The following TMEFF2 variants were observed in gnomAD, a reference collection of about 807,000 sequenced individuals.
TMEFF2 encodes the protein tomoregulin-2.
TMEFF2 carries 28 observed loss-of-function variants against 53.8 expected under a neutral mutation model. That is an observed-to-expected ratio of 0.52 (90% CI 0.39 to 0.71). TMEFF2 has a LOEUF of 0.71. TMEFF2 is among the 30% of genes least tolerant of loss of function. The pLI, the probability that TMEFF2 is intolerant of heterozygous loss-of-function variation, is 0.00. For synonymous variants in TMEFF2, 162 were observed against 166.3 expected, an observed-to-expected ratio of 0.97 and a Z score of 0.20; for missense variants, 353 against 455.2, an observed-to-expected ratio of 0.78 and a Z score of 2.04.
At chr2:191,984,409 G>GAGAACA (rs1277527009) in intron 7 of TMEFF2, among the ~76,000 whole-genome samples, 1 of 152,096 alleles carries the variant, frequency 6.6e-6, no homozygotes, top group African/African-American at 2.4e-5. Context: ...TATCCAGAGA[G>GAGAACA]AGAACAAGAG....
At chr2:192,133,283 C>G (rs1433593520) in intron 4 of TMEFF2, among the ~76,000 whole-genome samples, 1 of 152,116 alleles carries the variant, frequency 6.6e-6, no homozygotes. Context: ...GCGTCCTCCT[C>G]TTGTATCCCC....
chr2:192,147,343 T>A (rs1027510748), intron 4 of TMEFF2, among the ~76,000 whole-genome samples: 6 of 152,016 alleles, frequency 3.9e-5, no homozygotes, highest in Admixed American at 6.6e-5. Context: ...CTCTTTTTTT[T>A]ATTATACTTT....
intron 7 of TMEFF2, among the ~76,000 whole-genome samples, chr2:191,968,114 GACA>G (rs1480454933): frequency 6.6e-6 from 1 of 152,126 alleles, no homozygotes; most frequent in African/African-American, 2.4e-5. Flanking sequence ...TAACAGAATT[GACA>G]ACAAGAACAC....
At chr2:192,069,970 G>GTC in intron 4 of TMEFF2, among the ~76,000 whole-genome samples, 2 of 9,630 alleles carry the variant, frequency 2.1e-4, no homozygotes, top group Non-Finnish European at 2.0e-4. Flanking sequence ...AAAAATGTGT[G>GTC]TGTGTGTGTG....
chr2:192,060,303 G>A (rs1317563482), intron 4 of TMEFF2, among the ~76,000 whole-genome samples: 1 of 152,130 alleles, frequency 6.6e-6, no homozygotes, highest in Non-Finnish European at 1.5e-5. Context: ...TTAGGTGCGA[G>A]GTATGGTCTC....
intron 4 of TMEFF2, among the ~76,000 whole-genome samples, chr2:192,145,575 A>T (rs938867978): frequency 4.6e-5 from 7 of 151,986 alleles, no homozygotes; most frequent in Non-Finnish European, 7.4e-5. Context: ...CAAAGCATTC[A>T]TCTTAAATAA....
intron 5 of TMEFF2, among the ~76,000 whole-genome samples, chr2:192,011,682 C>A (rs1364529517): frequency 6.6e-6 from 1 of 152,026 alleles, no homozygotes; most frequent in Non-Finnish European, 1.5e-5. Flanking sequence ...TATTGACAAA[C>A]ATTAGACTTA....
At position 191,953,771 on chromosome 2, in the gene TMEFF2, G is replaced by A. The variant is rs776059674; in HGVS notation, c.936C>T (p.Pro312=). The change falls in exon 9 of 10, where the codon CCC becomes CCT. Residue 312 remains proline (P), a synonymous_variant. Coordinates refer to ENST00000272771, the MANE Select transcript of TMEFF2 (RefSeq NM_016192.4). ...KKDYSVLYVV[P]GPVRFQYVLI... is the part of the protein sequence containing the mutation. ...AGACATACTGAAATCGTACAGGACC[G>A]GGAACAACGTATAGAACACTGTAGT... The A allele has an allele frequency of 1.2e-5, 20 of 1,613,828 alleles. No individual in the cohort carries two copies. Among genetic ancestry groups the A allele is most frequent in the African/African-American group, 9.3e-5 (7 of 74,882 alleles).
At chr2:191,973,259 G>C (rs1692700545) in intron 7 of TMEFF2, among the ~76,000 whole-genome samples, 1 of 151,730 alleles carries the variant, frequency 6.6e-6, no homozygotes. Flanking sequence ...ATATAACGTA[G>C]GTTTTCTACT....
chr2:192,132,573 G>A (rs948885066), intron 4 of TMEFF2, among the ~76,000 whole-genome samples: 1 of 151,736 alleles, frequency 6.6e-6, no homozygotes, highest in Non-Finnish European at 1.5e-5. Context: ...AAAAAAAAAA[G>A]TTGCAATTCC....
intron 7 of TMEFF2, among the ~76,000 whole-genome samples, chr2:191,983,566 T>C (rs927190054): frequency 6.6e-6 from 1 of 152,128 alleles, no homozygotes; most frequent in Non-Finnish European, 1.5e-5. Flanking sequence ...ATATATAAGA[T>C]GACAGTGCCT....
chr2:192,192,980 C>A (rs1261155110), intron 1 of TMEFF2, among the ~76,000 whole-genome samples: 1 of 152,110 alleles, frequency 6.6e-6, no homozygotes, highest in African/African-American at 2.4e-5. Context: ...TCTATTGACC[C>A]AAATCTAATA....
intron 4 of TMEFF2, among the ~76,000 whole-genome samples, chr2:192,108,934 C>T (rs1258587402): frequency 2.6e-5 from 4 of 151,934 alleles, no homozygotes. Context: ...ATAAGCCAGA[C>T]ACAAAAAGAC....
intron 5 of TMEFF2, among the ~76,000 whole-genome samples, chr2:192,048,361 A>AACACACACACAC (rs3053696): frequency 0.025 from 3,557 of 143,178 alleles, 59 homozygotes; most frequent in Middle Eastern, 0.052. Context: ...ATTCTCATAA[A>AACACACACACAC]ACACACACAC....
At chr2:192,161,868 C>A (rs543124236) in intron 4 of TMEFF2, among the ~76,000 whole-genome samples, 4 of 152,178 alleles carry the variant, frequency 2.6e-5, no homozygotes, top group Non-Finnish European at 5.9e-5. Context: ...ATTCTTTTTT[C>A]ATTTCCTGTG....
At chr2:192,027,710 A>G (rs1687006846) in intron 5 of TMEFF2, among the ~76,000 whole-genome samples, 1 of 152,236 alleles carries the variant, frequency 6.6e-6, no homozygotes, top group South Asian at 2.1e-4. Context: ...AGAGTCCTGA[A>G]CTTGGTTTAA....
chr2:192,046,911 GTT>G (rs35550976), intron 5 of TMEFF2, among the ~76,000 whole-genome samples: 78 of 146,210 alleles, frequency 5.3e-4, no homozygotes, highest in Middle Eastern at 3.5e-3. Context: ...TGTGTTACCT[GTT>G]TTTTTTTTTT....
chr2:192,088,710 T>C (rs1688720332), intron 4 of TMEFF2, among the ~76,000 whole-genome samples: 1 of 152,186 alleles, frequency 6.6e-6, no homozygotes, highest in South Asian at 2.1e-4. Flanking sequence ...TTTTAATCTT[T>C]TAATTCATGC....
intron 4 of TMEFF2, among the ~76,000 whole-genome samples, chr2:192,087,502 G>C (rs1688693599): frequency 6.6e-6 from 1 of 152,026 alleles, no homozygotes; most frequent in Non-Finnish European, 1.5e-5. Flanking sequence ...TTACCTGAGG[G>C]GCTCGAGTTT....
Sources: allele counts gnomAD v4.1 joint callset (sites outside exome capture counted in the v4.1 genomes callset), GRCh38; gene constraint gnomAD v4.1.1; transcripts MANE v1.5; gene names NCBI Gene and HGNC (gene_info 2026-07-23, HGNC 2026-07-21).